LRRC4C: variants seen among roughly 807,000 people sequenced by gnomAD.
LRRC4C encodes leucine rich repeat containing 4C.
Under a neutral mutation model 33.6 loss-of-function variants are expected in LRRC4C, and 5 were observed. The observed-to-expected ratio is 0.15, with a 90% CI of 0.08 to 0.31. The LOEUF (loss-of-function observed/expected upper bound fraction) is 0.31. Ranked by LOEUF, LRRC4C falls within the 10% of genes least tolerant of loss-of-function variation. The probability of loss-of-function intolerance (pLI) is 1.00; values close to 1 mark genes in which losing one functional copy is unlikely to be tolerated. For synonymous variants in LRRC4C, 329 were observed against 302.0 expected, an observed-to-expected ratio of 1.09 and a Z score of -0.93; for missense variants, 560 against 796.7, an observed-to-expected ratio of 0.70 and a Z score of 3.58.
chr11:40,996,130 C>T (rs894669426), intron 1 of LRRC4C, among the ~76,000 whole-genome samples: 3 of 152,088 alleles, frequency 2.0e-5, no homozygotes, highest in African/African-American at 7.2e-5. Flanking sequence ...GTTGTTACAA[C>T]AAAATAAAAT....
At chr11:41,248,034 T>C (rs75509379) in intron 1 of LRRC4C, among the ~76,000 whole-genome samples, 2,866 of 152,200 alleles carry the variant, frequency 0.019, 92 homozygotes, top group African/African-American at 0.066. Context: ...CAGAGAAGAA[T>C]CACTTACTTA....
rs537429699 is a variant in LRRC4C, at chr11:40,515,508, A to T, written c.-270+132634T>A. Among the ~76,000 whole-genome samples, 5 of 152,154 alleles carry T rather than the reference A, an allele frequency of 3.3e-5. No individual in the cohort carries two copies. The East Asian group carries it at 9.7e-4, about 29-fold the overall frequency. ...CATGTTACATAATATTAACCTACTC[A>T]TGATACACATTTTTATCCCATGGAG... On this transcript the variant is annotated intron_variant, in intron 3 of 6. Coordinates refer to ENST00000528697, the MANE Select transcript of LRRC4C (RefSeq NM_001258419.2).
intron 3 of LRRC4C, among the ~76,000 whole-genome samples, chr11:40,362,331 T>C (rs78543619): frequency 1.3e-4 from 19 of 151,888 alleles, no homozygotes; most frequent in South Asian, 4.2e-4. Flanking sequence ...AGACAACCTA[T>C]AGAATGGTAG....
At chr11:40,575,717 G>A (rs919022981) in intron 3 of LRRC4C, among the ~76,000 whole-genome samples, 1 of 152,064 alleles carries the variant, frequency 6.6e-6, no homozygotes, top group Non-Finnish European at 1.5e-5. Flanking sequence ...AAGTATTGAT[G>A]ATCTTTACTT....
intron 1 of LRRC4C, among the ~76,000 whole-genome samples, chr11:41,440,558 A>G (rs1043781280): frequency 3.3e-5 from 5 of 152,098 alleles, no homozygotes; most frequent in Admixed American, 2.0e-4. Context: ...TTTTAAAAAA[A>G]AGTATAGTCT....
intron 3 of LRRC4C, among the ~76,000 whole-genome samples, chr11:40,584,657 C>T (rs887186447): frequency 2.6e-5 from 4 of 152,056 alleles, no homozygotes; most frequent in East Asian, 1.9e-4. Context: ...AGAGGCCTGG[C>T]GCAGTGGCTC....
At chr11:40,510,299 T>C (rs1955249581) in intron 3 of LRRC4C, among the ~76,000 whole-genome samples, 1 of 151,414 alleles carries the variant, frequency 6.6e-6, no homozygotes, top group South Asian at 2.1e-4. Context: ...GAAGCATTGC[T>C]ATTCCTTTCT....
intron 3 of LRRC4C, among the ~76,000 whole-genome samples, chr11:40,333,731 AAAAAAAAAAAG>A (rs1273527678): frequency 6.6e-5 from 10 of 151,832 alleles, no homozygotes; most frequent in African/African-American, 2.2e-4. Flanking sequence ...AAAAAAAAAA[AAAAAAAAAAAG>A]AATTCATAAA....
In LRRC4C at chr11:40,536,718, G is replaced by A. The variant is rs549293378; in HGVS notation, c.-270+111424C>T. Among the ~76,000 whole-genome samples, 23 of 151,720 alleles carry A rather than the reference G, an allele frequency of 1.5e-4. No homozygotes were observed. The South Asian group carries it at 4.6e-3, about 30-fold the overall frequency. ...CTCTTTTTTTTTCAAATCTCTACAGGGCTTATTTGCTTTTCTCCTTTAGGT... is the reference window on the plus strand; with the variant it reads ...CTCTTTTTTTTTCAAATCTCTACAGAGCTTATTTGCTTTTCTCCTTTAGGT... On this transcript the variant is annotated intron_variant, in intron 3 of 6. Coordinates refer to ENST00000528697, the MANE Select transcript of LRRC4C (RefSeq NM_001258419.2).
intron 1 of LRRC4C, among the ~76,000 whole-genome samples, chr11:41,156,989 G>A (rs953024243): frequency 6.6e-6 from 1 of 152,036 alleles, no homozygotes; most frequent in Non-Finnish European, 1.5e-5. Flanking sequence ...GATTGGAGAA[G>A]TGTTTGCTGT....
In LRRC4C at chr11:40,504,703, T is replaced by G. The variant is rs1337095519; in HGVS notation, c.-270+143439A>C. ...CTAAAATCAATATTAAATTATAATT[T>G]CATACAGTTTTTTATTTGTTAACTA... On this transcript the variant is annotated intron_variant, in intron 3 of 6. Coordinates refer to ENST00000528697, the MANE Select transcript of LRRC4C (RefSeq NM_001258419.2). Among the ~76,000 whole-genome samples, 4 of 152,308 alleles carry G rather than the reference T, an allele frequency of 2.6e-5. No individual in the cohort carries two copies. In the East Asian group the frequency reaches 7.7e-4, roughly 29 times the overall value.
At chr11:41,085,656 T>G (rs940048057) in intron 1 of LRRC4C, among the ~76,000 whole-genome samples, 16 of 152,096 alleles carry the variant, frequency 1.1e-4, no homozygotes, top group African/African-American at 3.9e-4. Context: ...GGTGGTTGAC[T>G]CTCTCAACGC....
chr11:40,903,906 T>C (rs1381486549), intron 2 of LRRC4C, among the ~76,000 whole-genome samples: 1 of 150,754 alleles, frequency 6.6e-6, no homozygotes, highest in African/African-American at 2.4e-5. Context: ...ACTTCATAAA[T>C]ATATATATAT....
At chr11:40,661,477 A>G (rs1303839258) in intron 2 of LRRC4C, among the ~76,000 whole-genome samples, 1 of 152,186 alleles carries the variant, frequency 6.6e-6, no homozygotes, top group Non-Finnish European at 1.5e-5. Flanking sequence ...TTCCTTGGGA[A>G]TAAAACAACA....
At chr11:40,833,228 A>G (rs1952498429) in intron 2 of LRRC4C, among the ~76,000 whole-genome samples, 1 of 152,170 alleles carries the variant, frequency 6.6e-6, no homozygotes, top group African/African-American at 2.4e-5. Context: ...CTTCTCAGAT[A>G]AAGTCTCTGC....
intron 3 of LRRC4C, among the ~76,000 whole-genome samples, chr11:40,493,560 A>AC (rs1443465023): frequency 1.3e-5 from 2 of 152,172 alleles, no homozygotes; most frequent in Non-Finnish European, 2.9e-5. Context: ...AAGGTAAAAA[A>AC]AAAATTGTGT....
chr11:40,221,434 G>T (rs1004491582), intron 5 of LRRC4C, among the ~76,000 whole-genome samples: 2 of 152,104 alleles, frequency 1.3e-5, no homozygotes, highest in African/African-American at 4.8e-5. Flanking sequence ...CATCAATGGT[G>T]AAGATGCTAT....
At chr11:40,871,286 C>A (rs1260557473) in intron 2 of LRRC4C, among the ~76,000 whole-genome samples, 2 of 152,064 alleles carry the variant, frequency 1.3e-5, no homozygotes, top group Admixed American at 6.6e-5. Context: ...AGCCTGTGAT[C>A]TCTGTGACCC....
intron 2 of LRRC4C, among the ~76,000 whole-genome samples, chr11:40,840,144 C>T (rs1952850558): frequency 6.6e-6 from 1 of 152,102 alleles, no homozygotes; most frequent in Non-Finnish European, 1.5e-5. Flanking sequence ...ATCCATAACA[C>T]TTCATGATAA....
Sources: allele counts gnomAD v4.1 joint callset (sites outside exome capture counted in the v4.1 genomes callset), GRCh38; gene constraint gnomAD v4.1.1; transcripts MANE v1.5; gene names NCBI Gene and HGNC (gene_info 2026-07-23, HGNC 2026-07-21).